The following ADCY8 variants were observed in gnomAD, a reference collection of about 807,000 sequenced individuals.
ADCY8 encodes the protein adenylate cyclase 8.
In ADCY8, 51 loss-of-function variants were observed where a neutral mutation model predicts 119.7. That is an observed-to-expected ratio of 0.43 (90% confidence interval 0.34 to 0.54). The LOEUF is 0.54. ADCY8 is among the 20% of genes least tolerant of loss of function. ADCY8 has a pLI of 0.03. For missense variants in ADCY8, 1,383 were observed against 1,598.8 expected (o/e 0.87, Z 2.30); for synonymous variants, 665 against 651.0 (o/e 1.02, Z -0.33).
At chr8:130,923,193 TAAAG>T (rs1458530747) in intron 5 of ADCY8, among the ~76,000 whole-genome samples, 4 of 126,028 alleles carry the variant, frequency 3.2e-5, no homozygotes, top group African/African-American at 6.0e-5. Context: ...TTGGGGGAAA[TAAAG>T]AAAGGGAAAG....
intron 2 of ADCY8, among the ~76,000 whole-genome samples, chr8:130,966,839 G>T (rs986767329): frequency 3.3e-5 from 5 of 152,132 alleles, no homozygotes; most frequent in Admixed American, 2.6e-4. Flanking sequence ...ATTTATAAAA[G>T]AATTAGATAG....
At chr8:130,924,753 A>G (rs1820411839) in intron 5 of ADCY8, among the ~76,000 whole-genome samples, 1 of 152,038 alleles carries the variant, frequency 6.6e-6, no homozygotes, top group South Asian at 2.1e-4. Context: ...ATCCATTCTC[A>G]TTGTTGCTCT....
chr8:130,797,155 A>G (rs1190641655), intron 15 of ADCY8, among the ~76,000 whole-genome samples: 1 of 152,218 alleles, frequency 6.6e-6, no homozygotes, highest in African/African-American at 2.4e-5. Context: ...CACTGGCCAC[A>G]TGTGGCCCAG....
Position 130,946,630 on chromosome 8 carries a change from G to A in ADCY8, c.1242-3168C>T, listed in dbSNP as rs1821114105. Among the ~76,000 whole-genome samples the A allele has an allele frequency of 2.0e-5, 3 of 152,194 alleles. No individual in the cohort carries two copies. In the South Asian group the frequency reaches 6.2e-4, roughly 31 times the overall value. On this transcript the variant is annotated intron_variant, in intron 3 of 17. Transcript: ENST00000286355. ...ATAGCACAATCATATGTGGCTAAGT[G>A]TGCTCCATCTATTAGCTGAAGAACA...
At chr8:130,956,374 C>T (rs1821426184) in intron 2 of ADCY8, among the ~76,000 whole-genome samples, 1 of 152,210 alleles carries the variant, frequency 6.6e-6, no homozygotes, top group African/African-American at 2.4e-5. Flanking sequence ...ATGCGTGCTA[C>T]TGTTCTTCTG....
At chr8:131,037,156 CT>C (rs893297501) in intron 1 of ADCY8, among the ~76,000 whole-genome samples, 13 of 152,098 alleles carry the variant, frequency 8.5e-5, no homozygotes, top group African/African-American at 3.1e-4. Context: ...TCTGGTTGTT[CT>C]TTTAGAGTTT....
intron 2 of ADCY8, among the ~76,000 whole-genome samples, chr8:130,985,332 A>G (rs932853083): frequency 2.2e-4 from 34 of 152,228 alleles, no homozygotes; most frequent in Admixed American, 2.0e-3. Context: ...GGATGAAAGG[A>G]AAGTTACACC....
rs1172482365 is a variant in ADCY8 at position 130,865,212 on chromosome 8, T to G, written c.2210+2634A>C. On this transcript the variant is annotated intron_variant, in intron 9 of 17. Transcript: ENST00000286355. ...GGTGTGGGGAAGAAGGCTCTGTCAA[T>G]CTTTTAAATTTTCTTTTTGACTTAA... 2.0e-5 allele frequency among the ~76,000 whole-genome samples: 3 copies of G among 152,276 alleles called. No homozygotes were observed. The East Asian group carries it at 5.8e-4, about 29-fold the overall frequency.
chr8:130,808,896 ACTC>A (rs5895057), intron 14 of ADCY8, among the ~76,000 whole-genome samples: 78,472 of 151,542 alleles, frequency 0.52, 21,083 homozygotes, highest in South Asian at 0.65. Context: ...CTTTTCAACA[ACTC>A]CTCATAAAGC....
chr8:130,848,641 AGG>A (rs1817411383), intron 10 of ADCY8, among the ~76,000 whole-genome samples: 2 of 152,172 alleles, frequency 1.3e-5, no homozygotes, highest in African/African-American at 4.8e-5. Flanking sequence ...ACCCTCCCTC[AGG>A]CCCAAAGGGC....
At chr8:130,934,205 T>C (rs550977233) in intron 5 of ADCY8, among the ~76,000 whole-genome samples, 10 of 152,318 alleles carry the variant, frequency 6.6e-5, no homozygotes, top group African/African-American at 2.4e-4. Flanking sequence ...CTTGCATTGC[T>C]ATAAAGAACT....
chr8:130,981,024 G>C (rs528305097), intron 2 of ADCY8, among the ~76,000 whole-genome samples: 9 of 152,272 alleles, frequency 5.9e-5, no homozygotes, highest in African/African-American at 2.2e-4. Flanking sequence ...CCAAGAGGCA[G>C]TAATGTTTGT....
intron 2 of ADCY8, among the ~76,000 whole-genome samples, chr8:130,969,380 T>G (rs1434671707): frequency 1.3e-5 from 2 of 152,218 alleles, no homozygotes; most frequent in Non-Finnish European, 2.9e-5. Context: ...CATAACTGAA[T>G]GCACCAATTC....
chr8:131,018,954 T>G (rs1004883855), intron 1 of ADCY8, among the ~76,000 whole-genome samples: 1 of 152,178 alleles, frequency 6.6e-6, no homozygotes, highest in African/African-American at 2.4e-5. Context: ...TCTCTAAATC[T>G]TACCCAGTTC....
chr8:130,850,931 A>G (rs1393873797), intron 9 of ADCY8, among the ~76,000 whole-genome samples: 2 of 152,196 alleles, frequency 1.3e-5, no homozygotes, highest in Non-Finnish European at 2.9e-5. Context: ...CTTAGAATGA[A>G]CCAAAGAGGT....
At chr8:130,931,315 T>C (rs977695811) in intron 5 of ADCY8, among the ~76,000 whole-genome samples, 4 of 152,226 alleles carry the variant, frequency 2.6e-5, no homozygotes, top group Non-Finnish European at 5.9e-5. Flanking sequence ...GTTAACCATA[T>C]TGGGACTCCT....
intron 1 of ADCY8, among the ~76,000 whole-genome samples, chr8:131,028,159 T>C (rs1422831023): frequency 6.6e-6 from 1 of 152,264 alleles, no homozygotes; most frequent in African/African-American, 2.4e-5. Context: ...CCAAAGTTGC[T>C]GTGAAAAACC....
intron 14 of ADCY8, among the ~76,000 whole-genome samples, chr8:130,802,929 C>A (rs765931965): frequency 6.6e-6 from 1 of 152,220 alleles, no homozygotes; most frequent in Non-Finnish European, 1.5e-5. Context: ...TTGAGGCATG[C>A]TCTCACACCA....
chr8:130,968,760 T>C (rs557166776), intron 2 of ADCY8, among the ~76,000 whole-genome samples: 1 of 152,290 alleles, frequency 6.6e-6, no homozygotes, highest in East Asian at 1.9e-4. Flanking sequence ...CTTTTTTCTT[T>C]GATAATAAAA....
Sources: allele counts gnomAD v4.1 joint callset (sites outside exome capture counted in the v4.1 genomes callset), GRCh38; gene constraint gnomAD v4.1.1; transcripts MANE v1.5; gene names NCBI Gene and HGNC (gene_info 2026-07-23, HGNC 2026-07-21).